The following RAB27A variants were observed in gnomAD, a reference collection of about 807,000 sequenced individuals.
RAB27A encodes ras-related protein Rab-27A.
RAB27A carries 17 observed loss-of-function variants against 20.8 expected under a neutral mutation model. The observed-to-expected ratio is 0.82, with a 90% CI of 0.56 to 1.23. The LOEUF (loss-of-function observed/expected upper bound fraction) is 1.23, where lower values mean the gene tolerates loss of function less well. Among genes scored for constraint, RAB27A ranks in the 50% most tolerant of loss-of-function variants. The pLI is 0.00. For missense variants in RAB27A, 277 were observed against 266.7 expected (o/e 1.04, Z -0.27); for synonymous variants, 85 against 92.8 (o/e 0.92, Z 0.48).
intron 6 of RAB27A, among the ~76,000 whole-genome samples, chr15:55,216,736 G>T (rs1026223298): frequency 1.3e-5 from 2 of 152,050 alleles, no homozygotes; most frequent in African/African-American, 4.8e-5. Flanking sequence ...TCTAATTCTG[G>T]TACCTGGGAC....
chr15:55,309,208 A>C (rs2055010076), intron 2 of RAB27A, among the ~76,000 whole-genome samples: 1 of 152,302 alleles, frequency 6.6e-6, no homozygotes, highest in Admixed American at 6.5e-5. Context: ...TTCGACAGAA[A>C]CCTGTTATGC....
intron 3 of RAB27A, among the ~76,000 whole-genome samples, chr15:55,233,386 A>G (rs886085091): frequency 3.9e-5 from 6 of 152,152 alleles, no homozygotes; most frequent in African/African-American, 1.4e-4. Context: ...TATAACAAAA[A>G]AGGGAATTAA....
intron 2 of RAB27A, among the ~76,000 whole-genome samples, chr15:55,312,318 A>G (rs1489978658): frequency 6.6e-6 from 1 of 152,234 alleles, no homozygotes; most frequent in Non-Finnish European, 1.5e-5. Flanking sequence ...CAGAAGCAAG[A>G]CTTAATAGAG....
intron 6 of RAB27A, among the ~76,000 whole-genome samples, chr15:55,220,812 T>C (rs1341787742): frequency 6.6e-6 from 1 of 152,194 alleles, no homozygotes; most frequent in Non-Finnish European, 1.5e-5. Flanking sequence ...TATGCCATAT[T>C]TGTGAAATGC....
intron 1 of RAB27A, among the ~76,000 whole-genome samples, chr15:55,280,069 GACACTTTGC>G (rs1897974760): frequency 6.6e-6 from 1 of 152,116 alleles, no homozygotes. Context: ...GTCCTAATCT[GACACTTTGC>G]AATAAAAAAA....
chr15:55,211,274 T>C (rs1895013339), intron 6 of RAB27A, among the ~76,000 whole-genome samples: 1 of 152,200 alleles, frequency 6.6e-6, no homozygotes, highest in African/African-American at 2.4e-5. Context: ...TTAGGATTTT[T>C]TTCGATATTT....
intron 6 of RAB27A, among the ~76,000 whole-genome samples, chr15:55,209,884 G>GTGTATA (rs1566896332): frequency 1.5e-5 from 1 of 66,248 alleles, no homozygotes; most frequent in African/African-American, 8.1e-5. Context: ...ATATGTGTGT[G>GTGTATA]TATACATATA....
intron 2 of RAB27A, among the ~76,000 whole-genome samples, chr15:55,258,298 A>G (rs113252039): frequency 0.014 from 2,161 of 152,180 alleles, 61 homozygotes; most frequent in African/African-American, 0.05. Context: ...CTCACTTAAC[A>G]CTGCTATATG....
chr15:55,224,865 G>A (rs1895733626), intron 5 of RAB27A, among the ~76,000 whole-genome samples: 1 of 152,166 alleles, frequency 6.6e-6, no homozygotes, highest in South Asian at 2.1e-4. Context: ...AGAAAAGTGT[G>A]GACATTTTAG....
chr15:55,278,904 A>C (rs1399958259), intron 1 of RAB27A, among the ~76,000 whole-genome samples: 1 of 152,226 alleles, frequency 6.6e-6, no homozygotes, highest in East Asian at 1.9e-4. Flanking sequence ...CTGAAAAATA[A>C]GGGCTTGTAT....
At chr15:55,207,919 G>A (rs1380565896) in intron 6 of RAB27A, among the ~76,000 whole-genome samples, 1 of 152,106 alleles carries the variant, frequency 6.6e-6, no homozygotes, top group African/African-American at 2.4e-5. Flanking sequence ...CACTCCCAAA[G>A]TGCTGGGATA....
At chr15:55,274,824 A>G (rs1387187028) in intron 1 of RAB27A, among the ~76,000 whole-genome samples, 2 of 136,370 alleles carry the variant, frequency 1.5e-5, no homozygotes, top group African/African-American at 2.6e-5. Flanking sequence ...ATATATATAT[A>G]TGTATAGAGA....
intron 2 of RAB27A, among the ~76,000 whole-genome samples, chr15:55,308,595 G>T (rs1421948194): frequency 1.3e-5 from 2 of 152,192 alleles, no homozygotes; most frequent in Non-Finnish European, 2.9e-5. Flanking sequence ...CCTCTAAAGG[G>T]TCCCCCTCGA....
chr15:55,220,131 C>T (rs936065376), intron 6 of RAB27A, among the ~76,000 whole-genome samples: 7 of 152,138 alleles, frequency 4.6e-5, no homozygotes, highest in African/African-American at 9.7e-5. Context: ...ATTCCATTTT[C>T]GCACTGTAGT....
intron 2 of RAB27A, among the ~76,000 whole-genome samples, chr15:55,312,423 ATT>A (rs2055025579): frequency 6.6e-6 from 1 of 152,214 alleles, no homozygotes; most frequent in Non-Finnish European, 1.5e-5. Context: ...TGTAAGGGGA[ATT>A]GCTAGGCCAT....
upstream of RAB27A, among the ~76,000 whole-genome samples, chr15:55,291,883 A>G (rs149493663): frequency 3.2e-3 from 480 of 152,324 alleles, 4 homozygotes; most frequent in African/African-American, 0.011. Context: ...TCCAGTAGTG[A>G]GATAAGAGCC....
intron 2 of RAB27A, among the ~76,000 whole-genome samples, chr15:55,253,009 G>A (rs1381923855): frequency 4.0e-5 from 6 of 151,892 alleles, no homozygotes; most frequent in Non-Finnish European, 5.9e-5. Context: ...GCATGTGCCT[G>A]TAATCCCAGC....
At chr15:55,230,365 C>T in intron 4 of RAB27A, 36 bp downstream of exon 4, 1 of 1,540,872 alleles carries the variant, frequency 6.5e-7, no homozygotes. Context: ...TTTTCCCTTT[C>T]CTTCAGTAAG....
chr15:55,302,113 G>A (rs1420962026), intron 2 of RAB27A, among the ~76,000 whole-genome samples: 1 of 150,564 alleles, frequency 6.6e-6, no homozygotes, highest in Non-Finnish European at 1.5e-5. Context: ...GGAGGCAAAG[G>A]TTGCAGTGAG....
Sources: allele counts gnomAD v4.1 joint callset (sites outside exome capture counted in the v4.1 genomes callset), GRCh38; gene constraint gnomAD v4.1.1; transcripts MANE v1.5; gene names NCBI Gene and HGNC (gene_info 2026-07-23, HGNC 2026-07-21).